TMEM63A: variants seen among roughly 807,000 people sequenced by gnomAD.
TMEM63A encodes the protein transmembrane protein 63A.
In TMEM63A, 76 loss-of-function variants were observed where a neutral mutation model predicts 100.6. The ratio of observed to expected loss-of-function variants is 0.76; its 90% CI spans 0.63 to 0.91. The LOEUF (loss-of-function observed/expected upper bound fraction) is 0.91. Among genes scored for constraint, TMEM63A ranks in the 40% least tolerant of loss-of-function variants. The probability of loss-of-function intolerance (pLI) is 0.00; values close to 1 mark genes in which losing one functional copy is unlikely to be tolerated. For missense variants in TMEM63A, 876 were observed against 1,008.8 expected (o/e 0.87, Z 1.78); for synonymous variants, 401 against 401.1 (o/e 1.00, Z 0.00).
intron 3 of TMEM63A, among the ~76,000 whole-genome samples, chr1:225,877,108 A>C: frequency 6.6e-6 from 1 of 152,194 alleles, no homozygotes; most frequent in Middle Eastern, 3.2e-3. Flanking sequence ...ACAGGCTGAG[A>C]GCTCTGCAAT....
At chr1:225,864,643 T>C (rs1670109466) in intron 10 of TMEM63A, 1 of 152,270 alleles carries the variant, frequency 6.6e-6, no homozygotes, top group Non-Finnish European at 1.5e-5. Context: ...ATTGAGTATT[T>C]ACATATTAGT....
chr1:225,850,913 A>T (rs360061), intron 20 of TMEM63A, among the ~76,000 whole-genome samples: 54,787 of 151,912 alleles, frequency 0.36, 10,647 homozygotes, highest in Middle Eastern at 0.52. Context: ...GGGTTTCACC[A>T]TGTTAACCAG....
At chr1:225,871,871 A>G in intron 5 of TMEM63A, 116 bp downstream of exon 5, 1 of 769,780 alleles carries the variant, frequency 1.3e-6, no homozygotes, top group Non-Finnish European at 2.2e-6. Context: ...TCGTCGATGC[A>G]GAAAAGCACT....
intron 3 of TMEM63A, 60 bp downstream of exon 3, chr1:225,877,335 T>C (rs1670855822): frequency 6.5e-7 from 1 of 1,542,346 alleles, no homozygotes; most frequent in Admixed American, 1.8e-5. Flanking sequence ...CAGAAGGCCC[T>C]GGGTGGGGCA....
In TMEM63A at chr1:225,871,104, G is replaced by A. The variant is rs777146602; in HGVS notation, c.343C>T (p.Pro115Ser). Residue 115 changes from proline (P) to serine (S), a missense_variant, in exon 6 of 25, where the codon CCC becomes TCC. Physicochemically the swap from Pro to Ser is moderately conservative, Grantham distance 74. This residue lies in a region of TMEM63A where 487 missense variants were observed against 581.9 expected (regional missense o/e 0.84). Coordinates refer to ENST00000366835, the MANE Select transcript of TMEM63A (RefSeq NM_014698.3). The stretch of plus-strand genomic sequence containing the variant: ...AGACGGAAGATGGCAGTCAGCCAGG[G>A]ACAGCATCCCTGGAAACGGAGAGAA... Reference protein sequence around the residue: ...QDFENELGCCPWLTAIFRLHD... With the variant: ...QDFENELGCCSWLTAIFRLHD... 1 of 1,613,994 alleles carries A rather than the reference G, an allele frequency of 6.2e-7. No individual in the cohort carries two copies. The highest frequency in any genetic ancestry group is 1.7e-5 in the Admixed American group (1 of 60,012).
intron 5 of TMEM63A, among the ~76,000 whole-genome samples, 195 bp from the exon 6 acceptor site, chr1:225,871,308 C>G (rs1237412194): frequency 6.6e-6 from 1 of 152,226 alleles, no homozygotes. Flanking sequence ...GCTAAAATCT[C>G]CTGACAACTT....
At position 225,875,996 on chromosome 1, in the gene TMEM63A, G is replaced by A. The variant is rs533013410; in HGVS notation, c.186+1399C>T. On this transcript the variant is annotated intron_variant, in intron 3 of 24. Coordinates refer to ENST00000366835, the MANE Select transcript of TMEM63A (RefSeq NM_014698.3). ...TGGGAGGATTGCTTGAGCCCAGGAG[G>A]AGGAAGTCGCAGTGAATTGTGATTA... 2.9e-5 allele frequency among the ~76,000 whole-genome samples: 4 copies of A among 139,812 alleles called. No individual in the cohort carries two copies. The East Asian group carries it at 8.9e-4, about 31-fold the overall frequency. 91.7% of individuals were successfully genotyped at this position (139,812 alleles called of 152,430 possible).
chr1:225,878,963 A>G (rs1364044416), intron 2 of TMEM63A, among the ~76,000 whole-genome samples: 1 of 151,982 alleles, frequency 6.6e-6, no homozygotes, highest in African/African-American at 2.4e-5. Context: ...GCCCAAGAAC[A>G]TGGGAGCATC....
intron 3 of TMEM63A, among the ~76,000 whole-genome samples, chr1:225,876,452 A>G (rs1440478588): frequency 2.0e-5 from 3 of 152,164 alleles, no homozygotes; most frequent in Non-Finnish European, 4.4e-5. Flanking sequence ...AGACAGTATC[A>G]AGAGGCACTG....
chr1:225,866,077 AAGGCTCC>A, intron 9 of TMEM63A, 110 bp from the exon 10 acceptor site: 1 of 1,162,646 alleles, frequency 8.6e-7, no homozygotes, highest in South Asian at 1.3e-5. Context: ...AGGAAATCAG[AAGGCTCC>A]AGTTTTCTCC....
intron 9 of TMEM63A, 123 bp downstream of exon 9, chr1:225,866,451 G>A (rs968083755): frequency 5.3e-6 from 4 of 752,972 alleles, no homozygotes; most frequent in Non-Finnish European, 6.6e-6. Context: ...AGCAAGCGGG[G>A]CTCCTGAGGC....
At chr1:225,849,072 C>A (rs1471173435) in intron 21 of TMEM63A, 60 bp from the exon 22 acceptor site, 1 of 1,277,606 alleles carries the variant, frequency 7.8e-7, no homozygotes, top group Non-Finnish European at 1.1e-6. Context: ...CCTACCCTCA[C>A]CCTGCTGAGG....
intron 1 of TMEM63A, among the ~76,000 whole-genome samples, chr1:225,880,729 C>T (rs1181985758): frequency 1.3e-5 from 2 of 152,198 alleles, no homozygotes; most frequent in Admixed American, 6.5e-5. Flanking sequence ...AACCCATGTG[C>T]AGGCAAGCGT....
chr1:225,869,792 A>G lies in TMEM63A; in HGVS notation c.371+1284T>C, dbSNP rs549120903. On this transcript the variant is annotated intron_variant, in intron 6 of 24. Coordinates refer to ENST00000366835, the MANE Select transcript of TMEM63A (RefSeq NM_014698.3). The stretch of plus-strand genomic sequence containing the variant: ...ATTCTCCTGCCTCAGCCTCCCGAGT[A>G]GCTGGGATTACAGGCACCCGCCACC... 3.0e-4 allele frequency among the ~76,000 whole-genome samples: 45 copies of G among 150,352 alleles called. 1 individual carries two copies. Among genetic ancestry groups the G allele is most frequent in the African/African-American group, 1.0e-3 (41 of 40,954 alleles).
intron 20 of TMEM63A, among the ~76,000 whole-genome samples, chr1:225,851,527 GCCCAGT>G (rs1669341998): frequency 1.3e-5 from 2 of 152,014 alleles, no homozygotes; most frequent in Non-Finnish European, 2.9e-5. Flanking sequence ...CTGCCACCAT[GCCCAGT>G]TAATTTTTGT....
rs750398363 is a variant in TMEM63A, at chr1:225,857,054, G to T, written c.1378-37C>A. On this transcript the variant is annotated intron_variant, in intron 15 of 24. Coordinates refer to ENST00000366835, the MANE Select transcript of TMEM63A (RefSeq NM_014698.3). ...GTCCACAGCAGAGAGAGTCACAGGG[G>T]CCGTGGGCCACGCGGCTCTGAGGCC... 4 of 1,525,746 alleles carry T rather than the reference G, an allele frequency of 2.6e-6. No homozygotes were observed. In the Admixed American group the frequency reaches 9.6e-5, roughly 37 times the overall value. The allele number at this position is 1,525,746 out of a possible 1,614,324, so 94.5% of individuals were successfully genotyped here.
Position 225,846,832 on chromosome 1 carries a change from G to A in TMEM63A, c.*107C>T. ...CACCACTGCTGGGACCAGAAAAGAT[G>A]GGCACCTGATAGCTCAGCTGGGCAG... On this transcript the variant is annotated 3_prime_UTR_variant, in exon 25 of 25. Transcript: ENST00000366835. The A allele has an allele frequency of 3.7e-6, 2 of 546,814 alleles. No individual in the cohort carries two copies. Among genetic ancestry groups the A allele is most frequent in the South Asian group, 3.5e-5 (1 of 28,216 alleles). 33.9% of individuals were successfully genotyped at this position (546,814 alleles called of 1,614,324 possible).
chr1:225,844,529 G>A (rs556212945), downstream of TMEM63A: 55 of 1,614,004 alleles, frequency 3.4e-5, no homozygotes, highest in Non-Finnish European at 2.9e-5. Flanking sequence ...GCTGACCAAC[G>A]TCATGCTCTA....
intron 15 of TMEM63A, among the ~76,000 whole-genome samples, chr1:225,858,360 T>C (rs1669752665): frequency 6.7e-6 from 1 of 149,636 alleles, no homozygotes; most frequent in African/African-American, 2.5e-5. Context: ...AGTTTCGCTC[T>C]TGTCGCCCAG....
Sources: allele counts gnomAD v4.1 joint callset (sites outside exome capture counted in the v4.1 genomes callset), GRCh38; gene constraint gnomAD v4.1.1; regional missense constraint gnomAD v4.1.1; transcripts MANE v1.5; gene names NCBI Gene and HGNC (gene_info 2026-07-23, HGNC 2026-07-21).